AOPEP: variants seen among roughly 807,000 people sequenced by gnomAD.
AOPEP encodes aminopeptidase O (putative), also known as aminopeptidase O.
In AOPEP, 77 loss-of-function variants were observed where a neutral mutation model predicts 98.1. That is an observed-to-expected ratio of 0.78 (90% CI 0.65 to 0.95). The LOEUF is 0.95. AOPEP is among the 40% of genes least tolerant of loss of function. The pLI, the probability that AOPEP is intolerant of heterozygous loss-of-function variation, is 0.00. For missense variants in AOPEP, 1,024 were observed against 1,024.7 expected, an observed-to-expected ratio of 1.00 and a Z score of 0.01; for synonymous variants, 346 against 365.3, an observed-to-expected ratio of 0.95 and a Z score of 0.60.
chr9:94,798,244 AG>A lies in AOPEP; in HGVS notation c.1119-2512del, dbSNP rs1385564507. Among the ~76,000 whole-genome samples the A allele has an allele frequency of 1.8e-4, 28 of 152,322 alleles. 1 individual carries two copies. The highest frequency in any genetic ancestry group is 6.7e-4 in the African/African-American group (28 of 41,568). On this transcript the variant is annotated intron_variant, in intron 4 of 16. Coordinates refer to ENST00000375315, the MANE Select transcript of AOPEP (RefSeq NM_001193329.3). ...GGAGCCTTACCCTTCTCACCTGGTC[AG>A]AGCTTGATTGCCTTAAAGTCCTGCA...
chr9:94,819,495 T>A (rs1415689501), intron 5 of AOPEP, among the ~76,000 whole-genome samples: 1 of 152,236 alleles, frequency 6.6e-6, no homozygotes, highest in Non-Finnish European at 1.5e-5. Context: ...CACAGCATTT[T>A]GTAAATAGTA....
At chr9:94,957,499 C>T (rs2058546747) in intron 9 of AOPEP, among the ~76,000 whole-genome samples, 1 of 152,276 alleles carries the variant, frequency 6.6e-6, no homozygotes, top group African/African-American at 2.4e-5. Context: ...TGAGCCACCA[C>T]ACCCAGCCCG....
chr9:95,105,266 C>A, the AOPEP span, among the ~76,000 whole-genome samples: 1 of 152,160 alleles, frequency 6.6e-6, no homozygotes, highest in South Asian at 2.1e-4. Context: ...GTTACGGGGA[C>A]TTTCTGTACA....
At chr9:94,828,757 AAT>A (rs962402197) in intron 5 of AOPEP, among the ~76,000 whole-genome samples, 6 of 151,016 alleles carry the variant, frequency 4.0e-5, no homozygotes, top group Admixed American at 6.6e-5. Context: ...ACACACACAC[AAT>A]ATATATATAT....
the AOPEP span, chr9:95,109,707 G>C: frequency 6.6e-6 from 1 of 152,212 alleles, no homozygotes; most frequent in Admixed American, 6.5e-5. Flanking sequence ...AGTGACGCCA[G>C]GCCCAGCACA....
chr9:94,765,480 A>ATAATAAT (rs55778359), intron 2 of AOPEP, among the ~76,000 whole-genome samples: 3 of 148,276 alleles, frequency 2.0e-5, no homozygotes, highest in Admixed American at 6.7e-5. Flanking sequence ...AATAATAATA[A>ATAATAAT]GTCACAGCTA....
chr9:94,941,792 T>G (rs2057037922), intron 7 of AOPEP, among the ~76,000 whole-genome samples: 1 of 152,216 alleles, frequency 6.6e-6, no homozygotes, highest in African/African-American at 2.4e-5. Flanking sequence ...ACTTGGTGTT[T>G]CATTTTTGCA....
At chr9:95,135,352 T>C in the AOPEP span, 7 of 1,613,918 alleles carry the variant, frequency 4.3e-6, no homozygotes, top group Non-Finnish European at 5.9e-6. Context: ...GTACCAGCGA[T>C]GAATCTTTTA....
intron 5 of AOPEP, among the ~76,000 whole-genome samples, chr9:94,857,960 CTGGCGTACCCTGGTGTGAT>C (rs1379066251): frequency 6.6e-6 from 1 of 151,920 alleles, no homozygotes; most frequent in Non-Finnish European, 1.5e-5. Flanking sequence ...ACTGCGTACA[CTGGCGTACCCTGGTGTGAT>C]TATAGCTCAC....
intron 5 of AOPEP, among the ~76,000 whole-genome samples, chr9:94,909,266 G>A (rs983143771): frequency 3.4e-5 from 5 of 147,224 alleles, no homozygotes; most frequent in African/African-American, 5.0e-5. Context: ...CGCATTGAGC[G>A]TCAGCATAAT....
intron 5 of AOPEP, among the ~76,000 whole-genome samples, chr9:94,826,826 G>T (rs1387428559): frequency 6.6e-6 from 1 of 152,166 alleles, no homozygotes. Context: ...TACAGTGGAA[G>T]TGGGGGAGGT....
chr9:94,765,336 A>C (rs1423195788), intron 2 of AOPEP, among the ~76,000 whole-genome samples: 1 of 151,408 alleles, frequency 6.6e-6, no homozygotes, highest in South Asian at 2.1e-4. Flanking sequence ...GTGGTGGCTC[A>C]TGCCTATAAT....
chr9:95,039,673 G>A (rs891949204), intron 13 of AOPEP, among the ~76,000 whole-genome samples: 1 of 152,148 alleles, frequency 6.6e-6, no homozygotes, highest in Non-Finnish European at 1.5e-5. Context: ...CTTTAAGCAG[G>A]CTGTATAAAC....
chr9:94,801,129 T>TTGGACATCTCATTGCTGCC lies in AOPEP; in HGVS notation c.1364+129_1364+147dup, dbSNP rs1564160755. On this transcript the variant is annotated intron_variant, in intron 5 of 16. Transcript: ENST00000375315. ...ATGGAGGGGCTATGGTTGCTCATGC[T>TTGGACATCTCATTGCTGCC]TGGACATCTCATTGCTGCCTTGAGG... is the stretch of plus-strand genomic sequence containing the variant. 10 of 1,114,122 alleles carry TTGGACATCTCATTGCTGCC rather than the reference T, an allele frequency of 9.0e-6. No homozygotes were observed. The East Asian group carries it at 2.4e-4, about 26-fold the overall frequency. The allele number at this position is 1,114,122 out of a possible 1,614,324, so 69.0% of individuals were successfully genotyped here.
At chr9:95,060,095 CTT>C (rs1022342865) in intron 13 of AOPEP, among the ~76,000 whole-genome samples, 2 of 152,208 alleles carry the variant, frequency 1.3e-5, no homozygotes, top group Non-Finnish European at 2.9e-5. Flanking sequence ...ATATGGGTAA[CTT>C]TGTGTGTCTG....
chr9:94,953,822 C>T (rs536182326), intron 7 of AOPEP, among the ~76,000 whole-genome samples: 47 of 152,190 alleles, frequency 3.1e-4, no homozygotes, highest in African/African-American at 1.1e-3. Context: ...TTAGAACAGC[C>T]GAAAGCTGTA....
chr9:95,018,924 G>A (rs999073268), intron 13 of AOPEP: 1 of 152,200 alleles, frequency 6.6e-6, no homozygotes, highest in African/African-American at 2.4e-5. Context: ...TTCACAGAAG[G>A]CGGTGGAAGG....
chr9:94,880,330 T>G (rs2047424839), intron 5 of AOPEP, among the ~76,000 whole-genome samples: 1 of 151,986 alleles, frequency 6.6e-6, no homozygotes, highest in African/African-American at 2.4e-5. Context: ...TTATTATGCA[T>G]ATTTGTCTTT....
At chr9:94,969,130 G>T (rs1423852193) in intron 10 of AOPEP, among the ~76,000 whole-genome samples, 1 of 152,054 alleles carries the variant, frequency 6.6e-6, no homozygotes. Context: ...TGGGGAAACT[G>T]AGACTCCAAG....
Sources: gnomAD v4.1 joint callset for allele counts (sites outside exome capture counted in the v4.1 genomes callset) on GRCh38, gnomAD v4.1.1 for gene constraint, MANE v1.5 for transcripts, NCBI Gene and HGNC (gene_info 2026-07-23, HGNC 2026-07-21) for gene names.